PCDH7: variants seen among roughly 807,000 people sequenced by gnomAD.
The protein encoded by PCDH7 is protocadherin-7.
A neutral mutation model predicts 58.9 loss-of-function variants in PCDH7; 17 were observed. The ratio of observed to expected loss-of-function variants is 0.29; its 90% CI spans 0.20 to 0.43. The LOEUF (loss-of-function observed/expected upper bound fraction) is 0.43. Among genes scored for constraint, PCDH7 ranks in the 20% least tolerant of loss-of-function variants. The pLI is 1.00. For synonymous variants in PCDH7, 664 were observed against 616.4 expected (o/e 1.08, Z -1.14); for missense variants, 1,274 against 1,441.0 (o/e 0.88, Z 1.88).
rs1033241121 is a variant in PCDH7 at position 30,997,045 on chromosome 4, G to C, written c.*7+46830G>C. ...GTAAAATCAGTGAACCCTAAACATG[G>C]TGATTTAAACACAAGCTGAATGTTT... On this transcript the variant is annotated intron_variant, in intron 3 of 3. Coordinates refer to the PCDH7 transcript ENST00000509759. Among the ~76,000 whole-genome samples, 14 of 151,612 alleles carry C rather than the reference G, an allele frequency of 9.2e-5. No individual in the cohort carries two copies. In the South Asian group the frequency reaches 2.1e-3, roughly 23 times the overall value.
At chr4:30,815,495 G>C (rs1246764160) in intron 1 of PCDH7, among the ~76,000 whole-genome samples, 2 of 152,268 alleles carry the variant, frequency 1.3e-5, no homozygotes, top group Admixed American at 6.5e-5. Flanking sequence ...ATGTTTCCAG[G>C]GTTTTCATTT....
At chr4:30,726,918 T>A (rs1714689847) in intron 1 of PCDH7, among the ~76,000 whole-genome samples, 1 of 152,012 alleles carries the variant, frequency 6.6e-6, no homozygotes, top group Non-Finnish European at 1.5e-5. Flanking sequence ...TTTGTTCTGC[T>A]TTTTGTTTGT....
At chr4:31,146,572 A>T (rs1019572721), downstream of PCDH7, 1 of 152,062 alleles carries the variant, frequency 6.6e-6, no homozygotes, top group African/African-American at 2.4e-5. Flanking sequence ...ATCATTGACT[A>T]TTGTTCTGCT....
intron 1 of PCDH7, among the ~76,000 whole-genome samples, chr4:30,878,020 G>A (rs1279277619): frequency 6.6e-6 from 1 of 152,170 alleles, no homozygotes; most frequent in African/African-American, 2.4e-5. Context: ...CAGAAGAAAA[G>A]TGTGTGAGGA....
At position 30,771,944 on chromosome 4, in the gene PCDH7, C is replaced by G. The variant is rs138300847; in HGVS notation, c.70+47348C>G. 7.5e-3 allele frequency among the ~76,000 whole-genome samples: 1,123 copies of G among 150,514 alleles called. 11 individuals are homozygous for G. Among genetic ancestry groups the G allele is most frequent in the African/African-American group, 0.025 (1,018 of 40,860 alleles). ...GGAGTGCATTGGTGTGATCTCGGCT[C>G]ATTGGAACCTTCGCCTCCAGGGTTC... On this transcript the variant is annotated intron_variant, in intron 1 of 3. Transcript: ENST00000509759.
chr4:30,783,590 A>G (rs1042933387), intron 1 of PCDH7, among the ~76,000 whole-genome samples: 2 of 152,186 alleles, frequency 1.3e-5, no homozygotes, highest in African/African-American at 2.4e-5. Context: ...TAAAATATAT[A>G]TATTTCCCTG....
chr4:31,085,757 G>A (rs977254897), intron 3 of PCDH7, among the ~76,000 whole-genome samples: 4 of 151,946 alleles, frequency 2.6e-5, no homozygotes, highest in African/African-American at 7.3e-5. Context: ...TGTTAAACTA[G>A]CATCTTGACT....
At chr4:30,831,355 G>T (rs1729751650) in intron 1 of PCDH7, among the ~76,000 whole-genome samples, 1 of 152,112 alleles carries the variant, frequency 6.6e-6, no homozygotes, top group Non-Finnish European at 1.5e-5. Flanking sequence ...AAAGAATTGG[G>T]TTCAATTCAT....
At chr4:30,897,139 C>T (rs1010980050) in intron 1 of PCDH7, among the ~76,000 whole-genome samples, 2 of 151,858 alleles carry the variant, frequency 1.3e-5, no homozygotes, top group Non-Finnish European at 2.9e-5. Context: ...CTCCTGACCT[C>T]GTCATCCTCC....
intron 1 of PCDH7, among the ~76,000 whole-genome samples, chr4:30,860,352 A>C (rs1409802935): frequency 2.6e-5 from 4 of 152,228 alleles, no homozygotes; most frequent in African/African-American, 9.6e-5. Flanking sequence ...AGAAAAAGTC[A>C]CTTTGTACTG....
intron 3 of PCDH7, among the ~76,000 whole-genome samples, chr4:31,045,944 A>G (rs930602742): frequency 6.6e-6 from 1 of 152,022 alleles, no homozygotes; most frequent in Non-Finnish European, 1.5e-5. Context: ...CCTGTTTTAT[A>G]TACTGTATAA....
chr4:30,764,482 A>T (rs930863589), intron 1 of PCDH7, among the ~76,000 whole-genome samples: 4 of 151,994 alleles, frequency 2.6e-5, no homozygotes, highest in Non-Finnish European at 4.4e-5. Context: ...ATATTTATTT[A>T]TGCAACAGTG....
chr4:31,077,943 C>G (rs1221238204), intron 3 of PCDH7, among the ~76,000 whole-genome samples: 2 of 152,086 alleles, frequency 1.3e-5, no homozygotes, highest in East Asian at 3.9e-4. Context: ...GATTTAGGAT[C>G]AGAATTCTGA....
intron 3 of PCDH7, among the ~76,000 whole-genome samples, chr4:31,079,960 G>A (rs1759365928): frequency 6.6e-6 from 1 of 151,938 alleles, no homozygotes; most frequent in Admixed American, 6.6e-5. Flanking sequence ...AAAATAGCAG[G>A]GATAAGAGTA....
In PCDH7 at chr4:30,859,216, C is replaced by T. The variant is rs143244042; in HGVS notation, c.71-60937C>T. On this transcript the variant is annotated intron_variant, in intron 1 of 3. Transcript: ENST00000509759. ...TGTGGTTTTCATCCTGGGCTTTTTC[C>T]TAGGTGAAAAGGACATTAAGGGTCA... is the stretch of plus-strand genomic sequence containing the variant. 6.1e-3 allele frequency among the ~76,000 whole-genome samples: 932 copies of T among 152,156 alleles called. 6 individuals carry two copies. The highest frequency in any genetic ancestry group is 0.01 in the Middle Eastern group (3 of 292).
intron 1 of PCDH7, among the ~76,000 whole-genome samples, chr4:30,866,198 A>G (rs778068465): frequency 6.6e-6 from 1 of 152,050 alleles, no homozygotes; most frequent in East Asian, 1.9e-4. Context: ...AGCTGGTTCT[A>G]TATCAAGAAG....
intron 1 of PCDH7, among the ~76,000 whole-genome samples, chr4:30,856,033 C>T (rs545386539): frequency 1.3e-5 from 2 of 151,884 alleles, no homozygotes; most frequent in South Asian, 2.1e-4. Flanking sequence ...GATTTTTTTC[C>T]CTTGAACCCA....
At position 30,982,621 on chromosome 4, in the gene PCDH7, C is replaced by T. The variant is rs576014735; in HGVS notation, c.*7+32406C>T. 2.6e-5 allele frequency among the ~76,000 whole-genome samples: 4 copies of T among 152,282 alleles called. No homozygotes were observed. In the East Asian group the frequency reaches 5.8e-4, roughly 22 times the overall value. ...CTCCTTTTCAAAATAATTAACAAAACAACTCTTAACCCATTGTGTAATACA... is the reference window on the plus strand; with the variant it reads ...CTCCTTTTCAAAATAATTAACAAAATAACTCTTAACCCATTGTGTAATACA... On this transcript the variant is annotated intron_variant, in intron 3 of 3. Coordinates refer to the PCDH7 transcript ENST00000509759.
At chr4:31,132,946 A>C (rs1335989484) in intron 3 of PCDH7, among the ~76,000 whole-genome samples, 1 of 152,206 alleles carries the variant, frequency 6.6e-6, no homozygotes, top group Non-Finnish European at 1.5e-5. Flanking sequence ...AATCTTGCAG[A>C]TTATTAGGAT....
Sources: allele counts gnomAD v4.1 joint callset (sites outside exome capture counted in the v4.1 genomes callset), GRCh38; gene constraint gnomAD v4.1.1; transcripts MANE v1.5; gene names NCBI Gene and HGNC (gene_info 2026-07-23, HGNC 2026-07-21).